The following IL4I1 variants were observed in gnomAD, a reference collection of about 807,000 sequenced individuals.
IL4I1 encodes L-amino-acid oxidase.
A neutral mutation model predicts 29.7 loss-of-function variants in IL4I1; 24 were observed. The ratio of observed to expected loss-of-function variants is 0.81; its 90% CI spans 0.59 to 1.14. The LOEUF is 1.14. Among genes scored for constraint, IL4I1 ranks in the 50% most tolerant of loss-of-function variants. The probability of loss-of-function intolerance (pLI) is 0.00; values close to 1 mark genes in which losing one functional copy is unlikely to be tolerated. For missense variants in IL4I1, 686 were observed against 785.6 expected, an observed-to-expected ratio of 0.87 and a Z score of 1.52; for synonymous variants, 371 against 352.5, an observed-to-expected ratio of 1.05 and a Z score of -0.59.
chr19:49,915,114 C>A (rs184553231), intron 2 of IL4I1, among the ~76,000 whole-genome samples: 10 of 151,854 alleles, frequency 6.6e-5, no homozygotes, highest in Non-Finnish European at 1.5e-4. Context: ...CAGCTTTGGA[C>A]CAAAAGGAAA....
intron 2 of IL4I1, among the ~76,000 whole-genome samples, chr19:49,924,243 C>T (rs938442131): frequency 2.0e-5 from 3 of 152,092 alleles, no homozygotes; most frequent in Admixed American, 6.5e-5. Flanking sequence ...CTCTCGGGAC[C>T]TCAGTCTTGA....
At chr19:49,920,920 T>G (rs1361748563) in intron 2 of IL4I1, among the ~76,000 whole-genome samples, 8 of 151,960 alleles carry the variant, frequency 5.3e-5, no homozygotes, top group African/African-American at 1.9e-4. Context: ...GGCAGTGATG[T>G]TGGTGGGGGA....
intron 1 of IL4I1, chr19:49,928,931 AGC>A (rs2075983836): frequency 6.5e-6 from 1 of 152,672 alleles, no homozygotes; most frequent in African/African-American, 2.4e-5. Context: ...AAGAAACCAG[AGC>A]TTAGAGTCAG....
At position 49,891,474 on chromosome 19, in the gene IL4I1, C is replaced by T. The variant is rs939761397; in HGVS notation, c.568-1G>A. The T allele has an allele frequency of 6.2e-7, 1 of 1,614,070 alleles. No homozygotes were observed. Among genetic ancestry groups the T allele is most frequent in the Non-Finnish European group, 8.5e-7 (1 of 1,179,962 alleles). ...CCAGTGCCTTGAGGTCTTTGAGGGC[C>T]TGTTGTGGAAGAAGCAGACATGGTG... On this transcript the variant is annotated splice_acceptor_variant, in intron 5 of 7. Coordinates refer to ENST00000391826, the MANE Select transcript of IL4I1 (RefSeq NM_152899.2). LOFTEE classifies it high-confidence loss of function.
intron 1 of IL4I1, chr19:49,928,509 A>T (rs2075966998): frequency 7.1e-6 from 1 of 141,076 alleles, no homozygotes; most frequent in African/African-American, 2.6e-5. Context: ...AGAGACGGAG[A>T]GACTCCGTCT....
intron 2 of IL4I1, among the ~76,000 whole-genome samples, chr19:49,904,854 C>T (rs934099064): frequency 1.3e-5 from 2 of 152,008 alleles, no homozygotes; most frequent in African/African-American, 2.4e-5. Flanking sequence ...GGACTATAGG[C>T]GCCTGCCACC....
chr19:49,914,246 T>C (rs1168083851), intron 2 of IL4I1, among the ~76,000 whole-genome samples: 1 of 152,180 alleles, frequency 6.6e-6, no homozygotes, highest in Non-Finnish European at 1.5e-5. Flanking sequence ...ATTACCACAT[T>C]TGCCAAAGGG....
rs1016010898 is a variant in IL4I1 at position 49,924,706 on chromosome 19, G to A, written c.-228+2988C>T. ...GTTCGAAGATCTGGGGAGAAGGGTC[G>A]CAGGCAACCACTGATGACCGGCTAT... On this transcript the variant is annotated intron_variant, in intron 2 of 9. Coordinates refer to the IL4I1 transcript ENST00000341114. Among the ~76,000 whole-genome samples, 7 of 152,296 alleles carry A rather than the reference G, an allele frequency of 4.6e-5. No individual in the cohort carries two copies. In the East Asian group the frequency reaches 5.8e-4, roughly 13 times the overall value.
rs889002728 is a variant in IL4I1 at position 49,890,977 on chromosome 19, CTG to C, written c.765_766del (p.Asp255GlufsTer115). 2.2e-5 allele frequency: 27 copies of C among 1,212,866 alleles called. No homozygotes were observed. Among genetic ancestry groups the C allele is most frequent in the Non-Finnish European group, 2.9e-5 (26 of 904,718 alleles). 75.1% of individuals were successfully genotyped at this position (1,212,866 alleles called of 1,614,324 possible). ...CGCCAGCCCCGCCCCTTACTGGAGT[CTG>C]TCGCTGAGGCAGCTGTGGGCCCGGA... On this transcript the variant is annotated frameshift_variant, in exon 7 of 8. Transcript: ENST00000391826. LOFTEE classifies it low-confidence loss of function (END_TRUNC).
intron 2 of IL4I1, among the ~76,000 whole-genome samples, chr19:49,913,838 G>A (rs904213898): frequency 7.2e-5 from 11 of 152,150 alleles, no homozygotes; most frequent in African/African-American, 2.7e-4. Context: ...TACATACCAT[G>A]CTAACGGTTC....
chr19:49,895,399 C>CTT (rs2075193587), intron 3 of IL4I1, among the ~76,000 whole-genome samples: 1 of 152,186 alleles, frequency 6.6e-6, no homozygotes, highest in Non-Finnish European at 1.5e-5. Flanking sequence ...TGCAAAGGGA[C>CTT]TTCCCAGCTC....
chr19:49,907,959 G>A, intron 2 of IL4I1: 2 of 570,134 alleles, frequency 3.5e-6, no homozygotes, highest in East Asian at 6.8e-5. Context: ...ACCAGGCTGA[G>A]CCAGGATGAG....
intron 2 of IL4I1, chr19:49,908,686 G>C: frequency 6.2e-7 from 1 of 1,612,114 alleles, no homozygotes; most frequent in Non-Finnish European, 8.5e-7. Flanking sequence ...CGCGGTGCAG[G>C]CTGGTGATCT....
rs891820171 is a variant in IL4I1 at position 49,903,924 on chromosome 19, C to T, written c.-105+275G>A. Among the ~76,000 whole-genome samples, 18 of 130,434 alleles carry T rather than the reference C, an allele frequency of 1.4e-4. No homozygotes were observed. The Admixed American group carries it at 1.5e-3, about 11-fold the overall frequency. 85.6% of individuals were successfully genotyped at this position (130,434 alleles called of 152,430 possible). On this transcript the variant is annotated intron_variant, in intron 3 of 9. Transcript: ENST00000341114. ...GTACGATCTCGGCTCACTGCAATGT[C>T]TGCCTCCCAGGTTCATGTGATCCTC...
At chr19:49,893,943 G>A (rs543434638) in intron 5 of IL4I1, among the ~76,000 whole-genome samples, 36 of 135,462 alleles carry the variant, frequency 2.7e-4, no homozygotes, top group Admixed American at 1.1e-3. Context: ...CTGAAATGGC[G>A]CCATTGCACT....
At chr19:49,907,615 C>T (rs1428201684) in intron 2 of IL4I1, 1 of 398,446 alleles carries the variant, frequency 2.5e-6, no homozygotes, top group East Asian at 7.5e-5. Context: ...TGGTTCACTG[C>T]AACACCTCCT....
chr19:49,909,391 G>C, intron 2 of IL4I1: 1 of 1,613,818 alleles, frequency 6.2e-7, no homozygotes, highest in Non-Finnish European at 8.5e-7. Context: ...CAAACACAAA[G>C]CCGGTGGGTG....
rs2075189134 is a variant in IL4I1, at chr19:49,895,122, T to C, written c.311A>G (p.Gln104Arg). Residue 104 changes from glutamine (Q) to arginine (R), a missense_variant, in exon 4 of 8, where the codon CAG becomes CGG. Transcript: ENST00000391826. ...IGGRIFTYRD[Q>R]NTGWIGELGA... is the part of the protein sequence containing the mutation. ...CAGCTCCCCAATCCAGCCCGTGTTC[T>C]GGTCCCGGTAGGTGAAGATGCGGCC... 1 of 1,613,776 alleles carries C rather than the reference T, an allele frequency of 6.2e-7. No individual in the cohort carries two copies. Among genetic ancestry groups the C allele is most frequent in the African/African-American group, 1.3e-5 (1 of 74,872 alleles).
At position 49,889,907 on chromosome 19, in the gene IL4I1, C is replaced by A; in HGVS notation, c.1467G>T (p.Trp489Cys). 6.2e-7 allele frequency: 1 copy of A among 1,609,556 alleles called. No homozygotes were observed. Among genetic ancestry groups the A allele is most frequent in the South Asian group, 1.1e-5 (1 of 90,788 alleles). Residue 489 changes from tryptophan to cysteine, a missense_variant, in exon 8 of 8, where the codon TGG (tryptophan) becomes TGT (cysteine). Physicochemically the swap from Trp to Cys is radical, Grantham distance 215 (BLOSUM62 -2). Coordinates refer to ENST00000391826, the MANE Select transcript of IL4I1 (RefSeq NM_152899.2). The stretch of plus-strand genomic sequence containing the variant: ...GCGCCGACTTGACCGCCGTCTCCAC[C>A]CAGCCGTGCGGGTAGGCGGTGTGCT... ...AGEHTAYPHG[W>C]VETAVKSALR... is the part of the protein sequence containing the mutation.
Sources: gnomAD v4.1 joint callset for allele counts (sites outside exome capture counted in the v4.1 genomes callset) on GRCh38, gnomAD v4.1.1 for gene constraint, MANE v1.5 for transcripts, NCBI Gene and HGNC (gene_info 2026-07-23, HGNC 2026-07-21) for gene names.